Variants in METTL24 observed in about 807,000 individuals in gnomAD.
METTL24 encodes methyltransferase like 24.
In METTL24, 29 loss-of-function variants were observed where a neutral mutation model predicts 32.7. The ratio of observed to expected loss-of-function variants is 0.89; its 90% CI spans 0.66 to 1.21. The LOEUF is 1.21. Among genes scored for constraint, METTL24 ranks in the 50% most tolerant of loss-of-function variants. The pLI is 0.00. For missense variants in METTL24, 439 were observed against 468.1 expected (o/e 0.94, Z 0.57); for synonymous variants, 163 against 179.5 (o/e 0.91, Z 0.73).
chr6:110,269,680 T>C (rs1362633961), intron 4 of METTL24, among the ~76,000 whole-genome samples: 1 of 152,198 alleles, frequency 6.6e-6, no homozygotes, highest in Non-Finnish European at 1.5e-5. Context: ...TTTTCATGTT[T>C]CATAACATCC....
intron 4 of METTL24, among the ~76,000 whole-genome samples, chr6:110,298,365 G>A (rs184239814): frequency 1.3e-5 from 2 of 152,192 alleles, no homozygotes; most frequent in African/African-American, 4.8e-5. Flanking sequence ...TGTTTGCAGA[G>A]ATTTGACATC....
intron 4 of METTL24, among the ~76,000 whole-genome samples, chr6:110,266,334 C>T (rs1770857622): frequency 6.6e-6 from 1 of 152,056 alleles, no homozygotes; most frequent in Non-Finnish European, 1.5e-5. Flanking sequence ...ACATTAGAAA[C>T]ATTATTGGGA....
At chr6:110,297,436 TTC>T (rs1771440262) in intron 4 of METTL24, among the ~76,000 whole-genome samples, 1 of 152,214 alleles carries the variant, frequency 6.6e-6, no homozygotes, top group Non-Finnish European at 1.5e-5. Context: ...GGCATTGAGT[TTC>T]TCTTTTTCTC....
At position 110,245,889 on chromosome 6, in the gene METTL24, T is replaced by G; in HGVS notation, c.*57A>C. On this transcript the variant is annotated 3_prime_UTR_variant, in exon 5 of 5. Coordinates refer to ENST00000338882, the MANE Select transcript of METTL24 (RefSeq NM_001123364.3). ...GGATGAGTAAACTCATGATTAGAAT[T>G]ATGGACATGCTGCATTCTGCAAATA... 6.7e-7 allele frequency: 1 copy of G among 1,492,568 alleles called. No homozygotes were observed. Among genetic ancestry groups the G allele is most frequent in the Non-Finnish European group, 9.1e-7 (1 of 1,099,798 alleles). The allele number at this position is 1,492,568 out of a possible 1,614,324, so 92.5% of individuals were successfully genotyped here.
intron 1 of METTL24, among the ~76,000 whole-genome samples, chr6:110,338,562 T>G (rs1275187993): frequency 2.0e-5 from 3 of 152,166 alleles, no homozygotes; most frequent in African/African-American, 4.8e-5. Context: ...TTCAGCTTTG[T>G]TCAAATTAAA....
chr6:110,255,875 T>C (rs1778372973), intron 4 of METTL24, among the ~76,000 whole-genome samples: 1 of 151,814 alleles, frequency 6.6e-6, no homozygotes, highest in African/African-American at 2.4e-5. Flanking sequence ...TGGGACTGGG[T>C]CAACCTCAGA....
At chr6:110,333,052 C>CT (rs986150768) in intron 1 of METTL24, among the ~76,000 whole-genome samples, 2 of 152,120 alleles carry the variant, frequency 1.3e-5, no homozygotes, top group African/African-American at 4.8e-5. Flanking sequence ...CACATGTATA[C>CT]ACACCCTATT....
At chr6:110,350,779 A>AAAT (rs1469651486) in intron 1 of METTL24, among the ~76,000 whole-genome samples, 4 of 139,786 alleles carry the variant, frequency 2.9e-5, no homozygotes, top group African/African-American at 1.2e-4. Flanking sequence ...AAATAAAATA[A>AAAT]AATAAAATAA....
intron 1 of METTL24, among the ~76,000 whole-genome samples, chr6:110,330,678 T>C (rs1357123047): frequency 6.6e-6 from 1 of 152,152 alleles, no homozygotes; most frequent in African/African-American, 2.4e-5. Context: ...GGGATACACA[T>C]GGGACAGAGG....
At chr6:110,354,100 G>A (rs555408964) in intron 1 of METTL24, among the ~76,000 whole-genome samples, 2 of 152,294 alleles carry the variant, frequency 1.3e-5, no homozygotes, top group East Asian at 3.9e-4. Context: ...ATAGGTTCCA[G>A]GGTGGGCATA....
intron 4 of METTL24, among the ~76,000 whole-genome samples, chr6:110,260,195 G>A (rs2114698812): frequency 6.6e-6 from 1 of 152,228 alleles, no homozygotes; most frequent in Admixed American, 6.5e-5. Context: ...CGAACCCACG[G>A]CAAAGAAGAT....
intron 4 of METTL24, among the ~76,000 whole-genome samples, chr6:110,268,418 G>A (rs939205266): frequency 6.6e-6 from 1 of 152,162 alleles, no homozygotes; most frequent in African/African-American, 2.4e-5. Context: ...TACAACATTG[G>A]TGAGGGTTCA....
rs1335770323 is a variant in METTL24 at position 110,311,477 on chromosome 6, T to TG, written c.557+3864_557+3865insC. ...TTTCTTTTCTTTCTTTGTTTTTTTT[T>TG]TTTTTTTTTTTTTTGAGACGGAGTC... On this transcript the variant is annotated intron_variant, in intron 3 of 4. Coordinates refer to ENST00000338882, the MANE Select transcript of METTL24 (RefSeq NM_001123364.3). Among the ~76,000 whole-genome samples, 18 of 135,894 alleles carry TG rather than the reference T, an allele frequency of 1.3e-4. 1 individual carries two copies. Among genetic ancestry groups the TG allele is most frequent in the East Asian group, 1.0e-3 (5 of 4,826 alleles). 89.2% of individuals were successfully genotyped at this position (135,894 alleles called of 152,430 possible).
At chr6:110,263,772 G>T (rs1326580902) in intron 4 of METTL24, among the ~76,000 whole-genome samples, 1 of 152,076 alleles carries the variant, frequency 6.6e-6, no homozygotes, top group Non-Finnish European at 1.5e-5. Context: ...CCAAAACAGA[G>T]ATATAGACCA....
intron 4 of METTL24, among the ~76,000 whole-genome samples, chr6:110,277,163 A>G (rs925428447): frequency 2.6e-5 from 4 of 152,198 alleles, no homozygotes; most frequent in South Asian, 2.1e-4. Context: ...GTGAAATTAC[A>G]AAAGCCTGAC....
intron 1 of METTL24, among the ~76,000 whole-genome samples, chr6:110,335,564 T>C (rs530435370): frequency 7.8e-5 from 5 of 63,822 alleles, no homozygotes; most frequent in East Asian, 9.9e-4. Context: ...TAGGGAATCA[T>C]TGTTTTTTTT....
chr6:110,358,303 C>G lies in METTL24; in HGVS notation c.-31G>C. 1 of 1,415,282 alleles carries G rather than the reference C, an allele frequency of 7.1e-7. No individual in the cohort carries two copies. Among genetic ancestry groups the G allele is most frequent in the African/African-American group, 1.5e-5 (1 of 66,058 alleles). The allele number at this position is 1,415,282 out of a possible 1,614,324, so 87.7% of individuals were successfully genotyped here. A position where few individuals can be genotyped will look rare whatever the true frequency, so the allele number is the denominator to read the frequency against. On this transcript the variant is annotated 5_prime_UTR_variant, in exon 1 of 5. Transcript: ENST00000338882. ...TACACTCGGGGTCCCGCGGGCCGCGCCTGGCCGGCAGCAGGGATGTAGCCC... is the reference window on the plus strand; with the variant it reads ...TACACTCGGGGTCCCGCGGGCCGCGGCTGGCCGGCAGCAGGGATGTAGCCC...
chr6:110,306,212 G>A (rs955146387), intron 3 of METTL24, among the ~76,000 whole-genome samples: 15 of 152,060 alleles, frequency 9.9e-5, no homozygotes, highest in Admixed American at 3.3e-4. Context: ...TGTAGATGAC[G>A]GGTTGATGGG....
chr6:110,312,703 T>A (rs947619099), intron 3 of METTL24, among the ~76,000 whole-genome samples: 2 of 151,610 alleles, frequency 1.3e-5, no homozygotes, highest in Admixed American at 1.3e-4. Flanking sequence ...GGGAAGGGTG[T>A]TTGAGGGGAA....
Sources: gnomAD v4.1 joint callset for allele counts (sites outside exome capture counted in the v4.1 genomes callset) on GRCh38, gnomAD v4.1.1 for gene constraint, MANE v1.5 for transcripts, NCBI Gene and HGNC (gene_info 2026-07-23, HGNC 2026-07-21) for gene names.